The following DNM3 variants were observed in gnomAD, a reference collection of about 807,000 sequenced individuals.
DNM3 encodes dynamin-3.
A neutral mutation model predicts 101.6 loss-of-function variants in DNM3; 47 were observed. The ratio of observed to expected loss-of-function variants is 0.46; its 90% CI spans 0.37 to 0.59. The LOEUF (loss-of-function observed/expected upper bound fraction) is 0.59. Among genes scored for constraint, DNM3 ranks in the 20% least tolerant of loss-of-function variants. The pLI, the probability that DNM3 is intolerant of heterozygous loss-of-function variation, is 0.00. For missense variants in DNM3, 849 were observed against 1,085.7 expected (o/e 0.78, Z 3.06); for synonymous variants, 385 against 387.9 (o/e 0.99, Z 0.09).
intron 1 of DNM3, among the ~76,000 whole-genome samples, chr1:171,892,930 G>C (rs1380229346): frequency 6.6e-6 from 1 of 150,740 alleles, no homozygotes; most frequent in Non-Finnish European, 1.5e-5. Context: ...TGGTAATGCT[G>C]TTGCCCACGG....
chr1:172,005,658 T>TA (rs1032406240), intron 4 of DNM3, among the ~76,000 whole-genome samples: 2 of 152,060 alleles, frequency 1.3e-5, no homozygotes, highest in African/African-American at 4.8e-5. Context: ...GGTTGTTTTT[T>TA]AAAAAGCCAA....
At chr1:172,124,227 TC>T (rs1281376372) in intron 13 of DNM3, among the ~76,000 whole-genome samples, 2 of 152,310 alleles carry the variant, frequency 1.3e-5, no homozygotes, top group East Asian at 3.9e-4. Context: ...ACTGTGAAGT[TC>T]CTAGATACAA....
chr1:172,195,182 C>A (rs1344868177), intron 14 of DNM3, among the ~76,000 whole-genome samples: 1 of 151,826 alleles, frequency 6.6e-6, no homozygotes, highest in East Asian at 1.9e-4. Context: ...AAGAAACATC[C>A]AAACCATATC....
At chr1:171,944,951 C>T (rs1328391055) in intron 2 of DNM3, among the ~76,000 whole-genome samples, 4 of 137,048 alleles carry the variant, frequency 2.9e-5, no homozygotes, top group Non-Finnish European at 6.1e-5. Flanking sequence ...GAAGCCTTGA[C>T]CTTCTGGGCT....
chr1:172,387,401 T>TA lies in DNM3; in HGVS notation c.2285+44dup, dbSNP rs777997566. On this transcript the variant is annotated intron_variant, in intron 19 of 20. Coordinates refer to ENST00000627582, the MANE Select transcript of DNM3 (RefSeq NM_015569.5). ...GGCCGGGTGCGGTGGCTCGCTCCTGTAATCCCAGCACTTTGAGAGGCCGAG... is the reference window on the plus strand; with the variant it reads ...GGCCGGGTGCGGTGGCTCGCTCCTGTAAATCCCAGCACTTTGAGAGGCCGAG... 3 of 1,533,794 alleles carry TA rather than the reference T, an allele frequency of 2.0e-6. No homozygotes were observed. In the Admixed American group the frequency reaches 5.5e-5, roughly 28 times the overall value.
At chr1:171,951,752 A>G (rs2042540348) in intron 2 of DNM3, among the ~76,000 whole-genome samples, 1 of 152,188 alleles carries the variant, frequency 6.6e-6, no homozygotes, top group Non-Finnish European at 1.5e-5. Context: ...AGCTCTGTAA[A>G]ACATTTCAAA....
intron 14 of DNM3, among the ~76,000 whole-genome samples, chr1:172,156,461 A>G (rs922788390): frequency 6.6e-6 from 1 of 152,046 alleles, no homozygotes; most frequent in African/African-American, 2.4e-5. Flanking sequence ...CTTAGTATAG[A>G]TTTATTTCAT....
Position 172,178,636 on chromosome 1 carries a change from C to T in DNM3, c.1659+47348C>T, listed in dbSNP as rs184769885. On this transcript the variant is annotated intron_variant, in intron 14 of 20. Coordinates refer to ENST00000627582, the MANE Select transcript of DNM3 (RefSeq NM_015569.5). ...GAGAGAGACAGAGAGAAAGGGTGTG[C>T]AAGAGATACAGCAAGAGAGCAAAAC... Among the ~76,000 whole-genome samples the T allele has an allele frequency of 2.6e-5, 4 of 151,606 alleles. No homozygotes were observed. The East Asian group carries it at 7.8e-4, about 30-fold the overall frequency.
chr1:171,862,925 G>A (rs995920371), intron 1 of DNM3, among the ~76,000 whole-genome samples: 1 of 152,030 alleles, frequency 6.6e-6, no homozygotes, highest in Non-Finnish European at 1.5e-5. Context: ...TGTTGGAGTG[G>A]TAGGAGTTGG....
intron 15 of DNM3, among the ~76,000 whole-genome samples, chr1:172,267,736 G>A (rs1477259036): frequency 6.6e-6 from 1 of 150,686 alleles, no homozygotes; most frequent in Non-Finnish European, 1.5e-5. Context: ...TTTTAGAGAT[G>A]GAGTCTCACT....
chr1:171,920,722 ATAT>A (rs1224808979), intron 1 of DNM3, among the ~76,000 whole-genome samples: 1 of 152,180 alleles, frequency 6.6e-6, no homozygotes, highest in Non-Finnish European at 1.5e-5. Context: ...TGCAGATGTA[ATAT>A]TATGTAGTAC....
intron 17 of DNM3, among the ~76,000 whole-genome samples, chr1:172,371,179 C>T (rs1233401166): frequency 1.3e-5 from 2 of 151,966 alleles, no homozygotes; most frequent in Non-Finnish European, 2.9e-5. Flanking sequence ...ATAGTTTTGA[C>T]TTAAATACAT....
chr1:172,214,795 G>C (rs1248056534), intron 14 of DNM3, among the ~76,000 whole-genome samples: 1 of 151,924 alleles, frequency 6.6e-6, no homozygotes, highest in East Asian at 1.9e-4. Context: ...GTAACACTGA[G>C]AGAATGAGAA....
At chr1:172,282,184 G>A (rs549886118) in intron 15 of DNM3, among the ~76,000 whole-genome samples, 52 of 152,196 alleles carry the variant, frequency 3.4e-4, no homozygotes, top group African/African-American at 7.2e-4. Context: ...TGTCTTGTCC[G>A]TTGCTCATCC....
chr1:172,418,430 T>C (rs929903296), exon 21 of DNM3: 4 of 904,396 alleles, frequency 4.4e-6, no homozygotes, highest in South Asian at 2.1e-5. Flanking sequence ...TTTTCATCCA[T>C]GTGTATAATA....
At chr1:172,166,985 A>G (rs2058768700) in intron 14 of DNM3, among the ~76,000 whole-genome samples, 1 of 151,470 alleles carries the variant, frequency 6.6e-6, no homozygotes, top group African/African-American at 2.4e-5. Context: ...TTTGTTACAT[A>G]TGTATACATG....
At position 172,411,408 on chromosome 1, in the gene DNM3, T is replaced by TAAG. The variant is rs2071195226; in HGVS notation, c.*3571_*3573dup. On this transcript the variant is annotated 3_prime_UTR_variant, in exon 21 of 21. Transcript: ENST00000627582. ...AATTACCTTTGACAATATTTTTCGG[T>TAAG]AAGAAGTAAAACCTCTGGAGACCTA... The TAAG allele has an allele frequency of 1.0e-6, 1 of 985,076 alleles. No homozygotes were observed. Among genetic ancestry groups the TAAG allele is most frequent in the African/African-American group, 1.7e-5 (1 of 57,316 alleles). The allele number at this position is 985,076 out of a possible 1,614,324, so 61.0% of individuals were successfully genotyped here.
chr1:172,308,240 G>T (rs537483470), intron 15 of DNM3, among the ~76,000 whole-genome samples: 1 of 152,144 alleles, frequency 6.6e-6, no homozygotes, highest in East Asian at 1.9e-4. Flanking sequence ...TTAAACACTG[G>T]TTATCAGTCT....
chr1:172,003,466 G>A (rs943344976), intron 4 of DNM3, among the ~76,000 whole-genome samples: 1 of 151,806 alleles, frequency 6.6e-6, no homozygotes, highest in Non-Finnish European at 1.5e-5. Flanking sequence ...ATGAAAAAAA[G>A]CGAAATTCTT....
Sources: allele counts gnomAD v4.1 joint callset (sites outside exome capture counted in the v4.1 genomes callset), GRCh38; gene constraint gnomAD v4.1.1; transcripts MANE v1.5; gene names NCBI Gene and HGNC (gene_info 2026-07-23, HGNC 2026-07-21).